The following TENM1 variants were observed in gnomAD, a reference collection of about 807,000 sequenced individuals.
TENM1 encodes teneurin-1.
A neutral mutation model predicts 174.8 loss-of-function variants in TENM1; 35 were observed. The observed-to-expected ratio is 0.20, with a 90% CI of 0.15 to 0.27. The LOEUF (loss-of-function observed/expected upper bound fraction) is 0.27, where lower values mean the gene tolerates loss of function less well. Ranked by LOEUF, TENM1 falls within the 10% of genes least tolerant of loss-of-function variation. The pLI is 1.00. For missense variants in TENM1, 1,633 were observed against 2,130.1 expected (o/e 0.77, Z 4.59); for synonymous variants, 781 against 798.7 (o/e 0.98, Z 0.37).
the TENM1 span, among the ~76,000 whole-genome samples, chrX:125,100,979 A>G: frequency 1.8e-5 from 2 of 111,668 alleles, no homozygotes; most frequent in Admixed American, 9.5e-5. Flanking sequence ...AACTCACTAT[A>G]CAAGACTCTG....
At chrX:124,909,966 T>C (rs990595934) in intron 1 of TENM1, among the ~76,000 whole-genome samples, 2 of 112,259 alleles carry the variant, frequency 1.8e-5, no homozygotes, top group African/African-American at 6.5e-5. Context: ...TCATGCTAAA[T>C]AGACTAAGCC....
chrX:125,080,145 C>T, the TENM1 span, among the ~76,000 whole-genome samples: 4 of 110,912 alleles, frequency 3.6e-5, no homozygotes, highest in East Asian at 2.8e-4. Context: ...TTCAGATTCT[C>T]GATCCCACCT....
At chrX:124,586,395 A>T (rs1248923718) in intron 11 of TENM1, among the ~76,000 whole-genome samples, 3 of 107,234 alleles carry the variant, frequency 2.8e-5, no homozygotes, top group African/African-American at 1.0e-4. Context: ...ACGCAAATCA[A>T]GAAATGTAAT....
At chrX:124,752,651 C>T (rs1473579268) in intron 3 of TENM1, among the ~76,000 whole-genome samples, 82 of 111,456 alleles carry the variant, frequency 7.4e-4, no homozygotes, top group African/African-American at 2.4e-3. Flanking sequence ...CTTTAATCCA[C>T]CTTGAATTAA....
the TENM1 span, among the ~76,000 whole-genome samples, chrX:125,011,184 G>A: frequency 3.6e-5 from 4 of 111,554 alleles, no homozygotes; most frequent in Admixed American, 1.9e-4. Flanking sequence ...AGATTAACTC[G>A]AGATGGATTT....
chrX:124,408,873 T>A (rs1251175043), intron 25 of TENM1, among the ~76,000 whole-genome samples: 1 of 84,010 alleles, frequency 1.2e-5, no homozygotes, highest in Non-Finnish European at 2.2e-5. Flanking sequence ...CCTGTGTCCA[T>A]GTGTTCTCAT....
intron 3 of TENM1, among the ~76,000 whole-genome samples, chrX:124,753,345 T>C (rs1440372354): frequency 1.9e-5 from 2 of 107,226 alleles, no homozygotes; most frequent in African/African-American, 6.8e-5. Flanking sequence ...TTTTGTATCC[T>C]GAGACTTTGC....
intron 23 of TENM1, among the ~76,000 whole-genome samples, chrX:124,450,253 G>A (rs1025965550): frequency 9.1e-6 from 1 of 110,023 alleles, no homozygotes; most frequent in African/African-American, 3.3e-5. Flanking sequence ...CCAGCTACTC[G>A]GGAGGCTGAG....
intron 11 of TENM1, among the ~76,000 whole-genome samples, chrX:124,631,092 T>A (rs2050744994): frequency 9.0e-6 from 1 of 111,648 alleles, no homozygotes; most frequent in Non-Finnish European, 1.9e-5. Context: ...AGAATGCAAT[T>A]AATATCCAAG....
At chrX:125,147,767 C>T in the TENM1 span, among the ~76,000 whole-genome samples, 1 of 111,660 alleles carries the variant, frequency 9.0e-6, no homozygotes, top group Non-Finnish European at 1.9e-5. Context: ...CTTCCTGCTG[C>T]TCACAAGCAG....
chrX:124,385,150 C>T (rs971713791), intron 29 of TENM1, among the ~76,000 whole-genome samples: 3 of 112,410 alleles, frequency 2.7e-5, no homozygotes, highest in African/African-American at 9.7e-5. Flanking sequence ...ATACTTCTTG[C>T]TATAATCACT....
the TENM1 span, among the ~76,000 whole-genome samples, chrX:125,161,060 AAC>A: frequency 1.0e-4 from 11 of 106,490 alleles, no homozygotes; most frequent in African/African-American, 3.9e-4. Flanking sequence ...AAAAAAAAAA[AAC>A]AAAACCCAAA....
intron 5 of TENM1, among the ~76,000 whole-genome samples, chrX:124,672,875 C>T (rs2148437682): frequency 9.0e-6 from 1 of 111,650 alleles, no homozygotes; most frequent in South Asian, 3.7e-4. Context: ...TATGTGTGCA[C>T]ATGTTCATGT....
rs149419467 is a variant in TENM1 at position 124,675,651 on chromosome X, C to T, written c.1016-3816G>A. On this transcript the variant is annotated intron_variant, in intron 5 of 31. Coordinates refer to ENST00000422452, the Ensembl canonical transcript of TENM1. Reference sequence around the variant, plus strand: ...TACAGCAGCAAAAACATAAAAAAACCTCTACCCTCCCAGAACTTACATGAG... The same window carrying T: ...TACAGCAGCAAAAACATAAAAAAACTTCTACCCTCCCAGAACTTACATGAG... 2.2e-4 allele frequency among the ~76,000 whole-genome samples: 23 copies of T among 106,170 alleles called. No individual in the cohort carries two copies. In the East Asian group the frequency reaches 6.8e-3, roughly 31 times the overall value. The allele number at this position is 106,170 out of a possible 115,157, so 92.2% of individuals were successfully genotyped here. A position where few individuals can be genotyped will look rare whatever the true frequency, so the allele number is the denominator to read the frequency against.
the TENM1 span, among the ~76,000 whole-genome samples, chrX:125,128,593 C>CT: frequency 9.0e-6 from 1 of 111,208 alleles, no homozygotes; most frequent in African/African-American, 3.3e-5. Flanking sequence ...CTCCCATGTG[C>CT]TATCCTTATT....
At chrX:124,677,890 T>G (rs2052130887) in intron 5 of TENM1, among the ~76,000 whole-genome samples, 1 of 111,765 alleles carries the variant, frequency 8.9e-6, no homozygotes, top group Non-Finnish European at 1.9e-5. Context: ...TTTTAGTAAT[T>G]GTACTATGTG....
chrX:124,401,637 G>A (rs768488710), intron 27 of TENM1, among the ~76,000 whole-genome samples: 11 of 112,134 alleles, frequency 9.8e-5, no homozygotes, highest in South Asian at 3.8e-4. Context: ...ATGAAGGGAC[G>A]CCATCTCGGA....
At chrX:125,103,723 C>T in the TENM1 span, among the ~76,000 whole-genome samples, 1 of 112,561 alleles carries the variant, frequency 8.9e-6, no homozygotes, top group Non-Finnish European at 1.9e-5. Flanking sequence ...CCATGGCTCA[C>T]GCCGGTAATC....
At chrX:124,878,103 T>C (rs776989942) in intron 3 of TENM1, among the ~76,000 whole-genome samples, 1 of 111,536 alleles carries the variant, frequency 9.0e-6, no homozygotes, top group Admixed American at 9.5e-5. Context: ...TGGACCCCTG[T>C]GCAGTTCAAA....
Sources: allele counts gnomAD v4.1 joint callset (sites outside exome capture counted in the v4.1 genomes callset), GRCh38; gene constraint gnomAD v4.1.1; transcripts MANE v1.5; gene names NCBI Gene and HGNC (gene_info 2026-07-23, HGNC 2026-07-21).